RNF144A: variants seen among roughly 807,000 people sequenced by gnomAD.
RNF144A encodes the protein E3 ubiquitin-protein ligase RNF144A.
A neutral mutation model predicts 38.7 loss-of-function variants in RNF144A; 11 were observed. The observed-to-expected ratio is 0.28, with a 90% confidence interval of 0.18 to 0.47. The LOEUF (loss-of-function observed/expected upper bound fraction) is 0.47. Ranked by LOEUF, RNF144A falls within the 20% of genes least tolerant of loss-of-function variation. The pLI, the probability that RNF144A is intolerant of heterozygous loss-of-function variation, is 0.99. For missense variants in RNF144A, 316 were observed against 377.2 expected, an observed-to-expected ratio of 0.84 and a Z score of 1.34; for synonymous variants, 149 against 143.9, an observed-to-expected ratio of 1.04 and a Z score of -0.25.
At chr2:7,069,802 C>T (rs1162297370), downstream of RNF144A, among the ~76,000 whole-genome samples, 1 of 152,294 alleles carries the variant, frequency 6.6e-6, no homozygotes, top group Admixed American at 6.5e-5. Context: ...GTGGTAAAGA[C>T]ACAAGTTCTA....
intron 3 of RNF144A, among the ~76,000 whole-genome samples, chr2:7,013,816 G>GC (rs1670969746): frequency 6.6e-6 from 1 of 152,158 alleles, no homozygotes; most frequent in South Asian, 2.1e-4. Flanking sequence ...TTTAAGCAGT[G>GC]CCCCCAAGTA....
intron 8 of RNF144A, among the ~76,000 whole-genome samples, chr2:7,034,861 C>T (rs576748889): frequency 2.8e-4 from 43 of 152,252 alleles, no homozygotes; most frequent in Middle Eastern, 3.4e-3. Flanking sequence ...GGGGAGCCTT[C>T]GGGAGTGCAG....
rs540040294 is a variant in RNF144A at position 7,005,663 on chromosome 2, C to T, written c.135+8602C>T. On this transcript the variant is annotated intron_variant, in intron 3 of 8. Coordinates refer to ENST00000320892, the MANE Select transcript of RNF144A (RefSeq NM_014746.6). The stretch of plus-strand genomic sequence containing the variant: ...TTTGTCTTAAGACCAGCACCCGTAC[C>T]CCTCAGATTCCCTGCTGACAACTCA... 5.9e-5 allele frequency among the ~76,000 whole-genome samples: 9 copies of T among 152,338 alleles called. No homozygotes were observed. The South Asian group carries it at 1.0e-3, about 18-fold the overall frequency.
intron 2 of RNF144A, among the ~76,000 whole-genome samples, chr2:6,981,777 T>C (rs1668647286): frequency 6.6e-6 from 1 of 152,240 alleles, no homozygotes; most frequent in Non-Finnish European, 1.5e-5. Flanking sequence ...TTCCAGGTTA[T>C]CTTCATAGCA....
intron 1 of RNF144A, among the ~76,000 whole-genome samples, chr2:6,938,696 C>T (rs1665761999): frequency 6.6e-6 from 1 of 152,138 alleles, no homozygotes; most frequent in South Asian, 2.1e-4. Flanking sequence ...CTTTTCAGTA[C>T]CCTCCAAAAA....
At chr2:7,046,077 C>T (rs894369577), downstream of RNF144A, among the ~76,000 whole-genome samples, 2 of 152,218 alleles carry the variant, frequency 1.3e-5, no homozygotes, top group Non-Finnish European at 2.9e-5. Flanking sequence ...GTGGGAATGG[C>T]ACAGACTTTG....
chr2:6,996,930 A>AC lies in RNF144A; in HGVS notation c.6dup (p.Thr3HisfsTer50). On this transcript the variant is annotated frameshift_variant, in exon 3 of 9. Transcript: ENST00000320892. LOFTEE classifies it high-confidence loss of function. ...TCTCGTTTCAGACTGTTCTGCGATG[A>AC]CCACAACAAGGTACCGGCCCACCTG... is the stretch of plus-strand genomic sequence containing the variant. 1 of 1,613,568 alleles carries AC rather than the reference A, an allele frequency of 6.2e-7. No homozygotes were observed. The highest frequency in any genetic ancestry group is 8.5e-7 in the Non-Finnish European group (1 of 1,179,832).
At chr2:7,004,455 C>T (rs183892245) in intron 3 of RNF144A, among the ~76,000 whole-genome samples, 23 of 152,222 alleles carry the variant, frequency 1.5e-4, no homozygotes, top group African/African-American at 3.9e-4. Context: ...GAGTCTGGCC[C>T]GACTCTAGGA....
intron 2 of RNF144A, among the ~76,000 whole-genome samples, chr2:6,974,349 A>G (rs911744976): frequency 6.6e-6 from 1 of 152,204 alleles, no homozygotes; most frequent in Non-Finnish European, 1.5e-5. Context: ...GCCGAGATCC[A>G]TCTGCCGTTG....
At chr2:7,022,631 T>C (rs1417549757) in intron 6 of RNF144A, among the ~76,000 whole-genome samples, 1 of 152,196 alleles carries the variant, frequency 6.6e-6, no homozygotes, top group African/African-American at 2.4e-5. Flanking sequence ...TTTCTTAGCT[T>C]TAAGGTCACA....
intron 2 of RNF144A, among the ~76,000 whole-genome samples, chr2:6,951,144 G>T (rs1217691855): frequency 2.0e-5 from 3 of 152,150 alleles, no homozygotes; most frequent in Admixed American, 2.0e-4. Flanking sequence ...TAACTTTTGT[G>T]TGTGATGGAG....
intron 6 of RNF144A, among the ~76,000 whole-genome samples, chr2:7,023,322 A>G (rs1671659088): frequency 6.6e-6 from 1 of 152,228 alleles, no homozygotes; most frequent in South Asian, 2.1e-4. Context: ...TTTAATGCTC[A>G]TATTGACTGG....
At chr2:7,008,749 C>T (rs1314397145) in intron 3 of RNF144A, among the ~76,000 whole-genome samples, 1 of 152,230 alleles carries the variant, frequency 6.6e-6, no homozygotes, top group African/African-American at 2.4e-5. Flanking sequence ...AATAAACAGC[C>T]TCCGCATCCA....
intron 2 of RNF144A, among the ~76,000 whole-genome samples, chr2:6,978,091 G>A (rs1438526019): frequency 6.6e-6 from 1 of 152,198 alleles, no homozygotes; most frequent in African/African-American, 2.4e-5. Context: ...TAGACCAGGA[G>A]AGGAGAGGAG....
chr2:6,995,229 G>A (rs1352705471), intron 2 of RNF144A, among the ~76,000 whole-genome samples: 1 of 151,454 alleles, frequency 6.6e-6, no homozygotes, highest in Non-Finnish European at 1.5e-5. Context: ...TTTTAAGTTA[G>A]GACAGCTCCT....
chr2:6,992,821 A>G (rs1669478344), intron 2 of RNF144A, among the ~76,000 whole-genome samples: 1 of 152,198 alleles, frequency 6.6e-6, no homozygotes, highest in Admixed American at 6.5e-5. Context: ...CCTTGTGTCC[A>G]CACCTCTTTC....
At chr2:7,059,622 G>C (rs17668810) in intron 6 of RNF144A, among the ~76,000 whole-genome samples, 2,231 of 152,252 alleles carry the variant, frequency 0.015, 28 homozygotes, top group Non-Finnish European at 0.02. Context: ...GAGAACCTTG[G>C]GGACCAGCTG....
chr2:6,969,131 T>G (rs1197107913), intron 2 of RNF144A, among the ~76,000 whole-genome samples: 2 of 152,196 alleles, frequency 1.3e-5, no homozygotes, highest in African/African-American at 4.8e-5. Flanking sequence ...GCCTTGTTAG[T>G]AGGGTGCCAC....
intron 2 of RNF144A, among the ~76,000 whole-genome samples, chr2:6,995,845 CCAAT>C (rs1669702509): frequency 6.6e-6 from 1 of 152,218 alleles, no homozygotes; most frequent in African/African-American, 2.4e-5. Context: ...ATCCTTCAAT[CCAAT>C]CAAGTTGGCA....
Sources: gnomAD v4.1 joint callset for allele counts (sites outside exome capture counted in the v4.1 genomes callset) on GRCh38, gnomAD v4.1.1 for gene constraint, MANE v1.5 for transcripts, NCBI Gene and HGNC (gene_info 2026-07-23, HGNC 2026-07-21) for gene names.